CLUH: variants seen among roughly 807,000 people sequenced by gnomAD.
CLUH encodes the protein clustered mitochondria protein homolog.
Under a neutral mutation model 139.3 loss-of-function variants are expected in CLUH, and 77 were observed. The ratio of observed to expected loss-of-function variants is 0.55; its 90% CI spans 0.46 to 0.67. The LOEUF (loss-of-function observed/expected upper bound fraction) is 0.67. Ranked by LOEUF, CLUH falls within the 30% of genes least tolerant of loss-of-function variation. The pLI is 0.00. For synonymous variants in CLUH, 999 were observed against 801.6 expected (o/e 1.25, Z -4.16); for missense variants, 1,876 against 1,875.8 (o/e 1.00, Z 0.00).
At chr17:2,697,160 G>A (rs1166011674) in intron 10 of CLUH, among the ~76,000 whole-genome samples, 6 of 152,224 alleles carry the variant, frequency 3.9e-5, no homozygotes, top group Non-Finnish European at 8.8e-5. Context: ...AGCACTTTGA[G>A]GACGAGGCAG....
At position 2,704,320 on chromosome 17, in the gene CLUH, C is replaced by G. The variant is rs776740224; in HGVS notation, c.303+42G>C. 3.2e-6 allele frequency: 5 copies of G among 1,577,030 alleles called. No individual in the cohort carries two copies. The East Asian group carries it at 1.2e-4, about 37-fold the overall frequency. On this transcript the variant is annotated intron_variant, in intron 2 of 25. Transcript: ENST00000651024. This position sits in a 1 kb window ranked among gnomAD's most constrained non-coding sequence, Gnocchi z 5.7. ...GAGCTTTCCAGCTCACCCTCCCCAG[C>G]AGGCTCAGGCCTGGCCCCCAGCACC...
intron 19 of CLUH, 56 bp from the exon 20 acceptor site, chr17:2,692,916 C>T (rs759456601): frequency 2.2e-5 from 32 of 1,480,824 alleles, no homozygotes; most frequent in Admixed American, 1.1e-4. Context: ...GCACCCAGAG[C>T]CCGCCTGGCC....
chr17:2,692,142 C>CTGGG (rs2069714191), intron 22 of CLUH, 45 bp from the exon 23 acceptor site: 1 of 1,545,452 alleles, frequency 6.5e-7, no homozygotes, highest in African/African-American at 1.4e-5. Flanking sequence ...CATAAGTGGG[C>CTGGG]TGGGTGTGGG....
rs1567574721 is a variant in CLUH, at chr17:2,691,734, GGAGGGGCCGCTCCGCCCCGGACTCACCTT to G, written c.3787_3789+26del. 1 of 1,600,726 alleles carries G rather than the reference GGAGGGGCCGCTCCGCCCCGGACTCACCTT, an allele frequency of 6.2e-7. No individual in the cohort carries two copies. The highest frequency in any genetic ancestry group is 2.3e-5 in the East Asian group (1 of 44,278). On this transcript the variant is annotated splice_donor_variant and splice_donor_5th_base_variant and coding_sequence_variant and intron_variant, in exon 24 of 26. Coordinates refer to ENST00000651024, the MANE Select transcript of CLUH (RefSeq NM_001366661.1). LOFTEE classifies it high-confidence loss of function. ...GCGGGGCTCCCGCGCTCGCCGGGCC[GGAGGGGCCGCTCCGCCCCGGACTCACCTT>G]GAGGGGCGGGATGTTGGCGCTGGAG...
chr17:2,691,979 C>CGG lies in CLUH; in HGVS notation c.3654+24_3654+25insCC, dbSNP rs2069690318. The CGG allele has an allele frequency of 2.1e-4, 150 of 710,002 alleles. 3 individuals carry two copies. The highest frequency in any genetic ancestry group is 1.4e-3 in the Middle Eastern group (2 of 1,460). 44.0% of individuals were successfully genotyped at this position (710,002 alleles called of 1,614,324 possible). On this transcript the variant is annotated intron_variant, in intron 23 of 25. Coordinates refer to ENST00000651024, the MANE Select transcript of CLUH (RefSeq NM_001366661.1). ...CCGCCACGCCCCCGCCCCGCCCCCG[C>CGG]CCCCGCCACGCCCCCGCCGCGCACC...
At position 2,694,290 on chromosome 17, in the gene CLUH, C is replaced by A; in HGVS notation, c.2938-14G>T. 5 of 1,571,230 alleles carry A rather than the reference C, an allele frequency of 3.2e-6. No homozygotes were observed. The highest frequency in any genetic ancestry group is 4.3e-6 in the Non-Finnish European group (5 of 1,156,672). The stretch of plus-strand genomic sequence containing the variant: ...CTTCAGCAGGACCTGGGGGGCAGCC[C>A]CCCCACCACAGGAAGCCTCAGGCCC... On this transcript the variant is annotated splice_polypyrimidine_tract_variant and intron_variant, in intron 17 of 25. Transcript: ENST00000651024.
rs570478920 is a variant in CLUH at position 2,695,087 on chromosome 17, G to A, written c.2622C>T (p.Ser874=). 3.9e-5 allele frequency: 63 copies of A among 1,611,900 alleles called. No individual in the cohort carries two copies. Among genetic ancestry groups the A allele is most frequent in the African/African-American group, 8.0e-5 (6 of 75,044 alleles). ...FKTYLQGVEL[S]GLSAAISHFL... ...AGTGGCTGATGGCGGCTGAGAGGCCGGAGAGCTCGACTCCCTGCGAGGCAG... is the reference window on the plus strand; with the variant it reads ...AGTGGCTGATGGCGGCTGAGAGGCCAGAGAGCTCGACTCCCTGCGAGGCAG... Residue 874 remains serine (S), a synonymous_variant, in exon 16 of 26, where the codon TCC becomes TCT. Transcript: ENST00000651024.
rs1184607097 is a variant in CLUH, at chr17:2,698,438, G to A, written c.1419C>T (p.His473=). 1 of 1,613,414 alleles carries A rather than the reference G, an allele frequency of 6.2e-7. No homozygotes were observed. The highest frequency in any genetic ancestry group is 1.1e-5 in the South Asian group (1 of 91,088). The change falls in exon 10 of 26, where the codon CAC becomes CAT. Residue 473 remains histidine, a synonymous_variant. Coordinates refer to ENST00000651024, the MANE Select transcript of CLUH (RefSeq NM_001366661.1). ...CCACGTCCCCCCCGAAGTCCTTGTA[G>A]TGGTCTCGGACGTCGAAGCCCAGGC... The part of the protein sequence containing the change: ...FFSLGFDVRD[H]YKDFGGDVAA...
intron 12 of CLUH, 70 bp downstream of exon 12, chr17:2,696,364 A>G (rs2069943428): frequency 6.6e-7 from 1 of 1,514,788 alleles, no homozygotes; most frequent in Non-Finnish European, 9.0e-7. Flanking sequence ...CACCAGCCCC[A>G]AGGGCCCAGG....
chr17:2,700,770 T>A lies in CLUH; in HGVS notation c.1081A>T (p.Thr361Ser). Reference protein sequence around the residue: ...IATPFQVYSWTAPQAEHAMDC... With the variant: ...IATPFQVYSWSAPQAEHAMDC... ...ATGGCATGCTCCGCCTGGGGGGCTGTCCAGCTGTACACCTGGAATGGGGTG... is the reference window on the plus strand; with the variant it reads ...ATGGCATGCTCCGCCTGGGGGGCTGACCAGCTGTACACCTGGAATGGGGTG... The change falls in exon 8 of 26, where the codon ACA becomes TCA. Residue 361 changes from threonine (T) to serine (S), a missense_variant. Around this residue, in one of 3 missense-constraint regions of CLUH, gnomAD observed 1,454 missense variants for 1,384.4 expected, o/e 1.05. Coordinates refer to ENST00000651024, the MANE Select transcript of CLUH (RefSeq NM_001366661.1). The A allele has an allele frequency of 6.5e-7, 1 of 1,543,010 alleles. No individual in the cohort carries two copies. Among genetic ancestry groups the A allele is most frequent in the Admixed American group, 2.1e-5 (1 of 46,928 alleles).
In CLUH at chr17:2,700,161, C is replaced by T. The variant is rs1027320693; in HGVS notation, c.1266+221G>A. On this transcript the variant is annotated intron_variant, in intron 9 of 25. Coordinates refer to ENST00000651024, the MANE Select transcript of CLUH (RefSeq NM_001366661.1). ...CTATGGGAAGTAGGGCCCGCTCCTT[C>T]CAGGGACTCAAAGCCTCAGAGAGGC... Among the ~76,000 whole-genome samples, 3 of 152,214 alleles carry T rather than the reference C, an allele frequency of 2.0e-5. No homozygotes were observed. The South Asian group carries it at 6.2e-4, about 32-fold the overall frequency.
Position 2,698,166 on chromosome 17 carries a change from C to T in CLUH, c.1691G>A (p.Arg564Gln), listed in dbSNP as rs769008971. The T allele has an allele frequency of 2.0e-5, 31 of 1,574,184 alleles. 1 individual carries two copies. The highest frequency in any genetic ancestry group is 7.1e-5 in the East Asian group (3 of 42,360). ...RYLELLERTSRPLKILRHQVL... is the reference protein window; with the variant it reads ...RYLELLERTSQPLKILRHQVL... Reference sequence around the variant, plus strand: ...CTGGTGCCGCAGGATCTTGAGGGGCCGACTCGTGCGCTCCAGCAGCTCCAG... The same window carrying T: ...CTGGTGCCGCAGGATCTTGAGGGGCTGACTCGTGCGCTCCAGCAGCTCCAG... The change falls in exon 10 of 26, where the codon CGG (arginine) becomes CAG (glutamine). Residue 564 changes from arginine to glutamine, a missense_variant. Arg to Gln is a conservative substitution (Grantham distance 43). This residue lies in a region of CLUH where 1,454 missense variants were observed against 1,384.4 expected (regional missense o/e 1.05). Transcript: ENST00000651024.
rs1339715375 is a variant in CLUH, at chr17:2,690,660, C to T, written c.3981G>A (p.Gly1327=). 2 of 1,543,160 alleles carry T rather than the reference C, an allele frequency of 1.3e-6. No homozygotes were observed. Among genetic ancestry groups the T allele is most frequent in the Non-Finnish European group, 8.7e-7 (1 of 1,151,600 alleles). The part of the protein sequence containing the change: ...EPMATEPAPA[G]APGDLGSQPP... ...GCTGGGAGCCCAGGTCTCCTGGGGC[C>T]CCCGCTGGCGCGGGCTCGGTAGCCA... The change falls in exon 26 of 26, where the codon GGG becomes GGA. Residue 1327 remains glycine, a synonymous_variant. Coordinates refer to ENST00000651024, the MANE Select transcript of CLUH (RefSeq NM_001366661.1).
At chr17:2,700,291 T>G in intron 9 of CLUH, 91 bp downstream of exon 9, 3 of 1,250,988 alleles carry the variant, frequency 2.4e-6, no homozygotes, top group Admixed American at 2.1e-5. Context: ...GGGCTGCCCC[T>G]GCCTCCCTTG....
In CLUH at chr17:2,704,644, C is replaced by T. The variant is rs550097036; in HGVS notation, c.101-80G>A. 497 of 1,358,704 alleles carry T rather than the reference C, an allele frequency of 3.7e-4. No individual in the cohort carries two copies. In the African/African-American group the frequency reaches 5.7e-3, roughly 16 times the overall value. 84.2% of individuals were successfully genotyped at this position (1,358,704 alleles called of 1,614,324 possible). On this transcript the variant is annotated intron_variant, in intron 1 of 25. Coordinates refer to ENST00000651024, the MANE Select transcript of CLUH (RefSeq NM_001366661.1). This position sits in a 1 kb window ranked among gnomAD's most constrained non-coding sequence, Gnocchi z 5.7. The stretch of plus-strand genomic sequence containing the variant: ...GTCCGCCTGACCCCACACGGGGACA[C>T]GTGCCTTCTGGAAAGGCATCTGCAT...
chr17:2,700,985 G>A (rs542633997), intron 7 of CLUH, 155 bp downstream of exon 7: 1 of 1,450,824 alleles, frequency 6.9e-7, no homozygotes, highest in South Asian at 1.3e-5. Context: ...TGCGGCTGCT[G>A]TCTCGGCACT....
At chr17:2,698,674 G>A (rs983451736) in intron 9 of CLUH, 84 bp from the exon 10 acceptor site, 19 of 1,289,360 alleles carry the variant, frequency 1.5e-5, no homozygotes, top group African/African-American at 6.0e-5. Context: ...CACCTAGACC[G>A]CGGAGGCAAC....
In CLUH at chr17:2,704,274, G is replaced by C; in HGVS notation, c.303+88C>G. 2 of 1,382,660 alleles carry C rather than the reference G, an allele frequency of 1.4e-6. No individual in the cohort carries two copies. The highest frequency in any genetic ancestry group is 2.6e-5 in the South Asian group (2 of 75,558). 85.6% of individuals were successfully genotyped at this position (1,382,660 alleles called of 1,614,324 possible). On this transcript the variant is annotated intron_variant, in intron 2 of 25. Transcript: ENST00000651024. This position sits in a 1 kb window ranked among gnomAD's most constrained non-coding sequence, Gnocchi z 5.7. ...CAGTTTCCTGCCACAAAATGGGGCCGGTAGGAGCACGAGCAAGGCTGAGCT... is the reference window on the plus strand; with the variant it reads ...CAGTTTCCTGCCACAAAATGGGGCCCGTAGGAGCACGAGCAAGGCTGAGCT...
In CLUH at chr17:2,707,410, T is replaced by G. The variant is rs987763727; in HGVS notation, c.101-2846A>C. ...CCAGGAAGGGCACACTCCCCCTGCC[T>G]GGCATCCCGCTCAAGGTCGGCCAGA... is the stretch of plus-strand genomic sequence containing the variant. On this transcript the variant is annotated intron_variant, in intron 1 of 25. Coordinates refer to ENST00000651024, the MANE Select transcript of CLUH (RefSeq NM_001366661.1). This position sits in a 1 kb window ranked among gnomAD's most constrained non-coding sequence, Gnocchi z 7.4. 1 of 985,260 alleles carries G rather than the reference T, an allele frequency of 1.0e-6. No individual in the cohort carries two copies. The highest frequency in any genetic ancestry group is 1.7e-5 in the African/African-American group (1 of 57,222). 61.0% of individuals were successfully genotyped at this position (985,260 alleles called of 1,614,324 possible).
Sources: gnomAD v4.1 joint callset for allele counts (sites outside exome capture counted in the v4.1 genomes callset) on GRCh38, gnomAD v4.1.1 for gene constraint, gnomAD v4.1.1 regional missense constraint, Gnocchi (gnomAD v3.1) non-coding constraint, MANE v1.5 for transcripts, NCBI Gene and HGNC (gene_info 2026-07-23, HGNC 2026-07-21) for gene names.